Variants in QTRT2 observed in about 807,000 individuals in gnomAD.
The protein encoded by QTRT2 is queuine tRNA-ribosyltransferase accessory subunit 2.
A neutral mutation model predicts 44.8 loss-of-function variants in QTRT2; 32 were observed. That is an observed-to-expected ratio of 0.71 (90% CI 0.54 to 0.96). The LOEUF is 0.96. Among genes scored for constraint, QTRT2 ranks in the 40% least tolerant of loss-of-function variants. The pLI is 0.00. For missense variants in QTRT2, 461 were observed against 503.1 expected (o/e 0.92, Z 0.80); for synonymous variants, 182 against 187.4 (o/e 0.97, Z 0.24).
intron 6 of QTRT2, among the ~76,000 whole-genome samples, chr3:114,072,952 T>C (rs981554391): frequency 2.0e-5 from 3 of 152,290 alleles, no homozygotes; most frequent in South Asian, 4.2e-4. Context: ...TTTGAGATCA[T>C]GTATGTGGAG....
intron 6 of QTRT2, among the ~76,000 whole-genome samples, 192 bp from the exon 7 acceptor site, chr3:114,076,551 G>A (rs1356443084): frequency 6.6e-6 from 1 of 152,210 alleles, no homozygotes; most frequent in African/African-American, 2.4e-5. Context: ...GATTGGTAAA[G>A]TATGTTTTTC....
At position 114,057,063 on chromosome 3, in the gene QTRT2, C is replaced by T. The variant is rs929688489; in HGVS notation, c.-65C>T. 13 of 1,380,378 alleles carry T rather than the reference C, an allele frequency of 9.4e-6. No homozygotes were observed. The highest frequency in any genetic ancestry group is 8.9e-5 in the African/African-American group (6 of 67,424). 85.5% of individuals were successfully genotyped at this position (1,380,378 alleles called of 1,614,324 possible). A position where few individuals can be genotyped will look rare whatever the true frequency, so the allele number is the denominator to read the frequency against. On this transcript the variant is annotated 5_prime_UTR_variant, in exon 2 of 10. Coordinates refer to ENST00000281273, the MANE Select transcript of QTRT2 (RefSeq NM_024638.4). The stretch of plus-strand genomic sequence containing the variant: ...ATAAATCGTGTGAGCGTCGCCGACA[C>T]CTCTGAGATAAAAGGGCCCCTTTCG...
chr3:114,058,717 G>C (rs1002852731), intron 2 of QTRT2, among the ~76,000 whole-genome samples: 2 of 152,116 alleles, frequency 1.3e-5, no homozygotes, highest in Non-Finnish European at 2.9e-5. Context: ...GTTTTTAGTA[G>C]AGACGGTTTC....
intron 2 of QTRT2, chr3:114,057,677 C>T (rs1352796528): frequency 1.3e-5 from 2 of 152,142 alleles, no homozygotes; most frequent in African/African-American, 2.4e-5. Context: ...TATGTCTCTT[C>T]TTCAGGAAAG....
At chr3:114,065,685 C>G (rs2076943864) in intron 3 of QTRT2, among the ~76,000 whole-genome samples, 1 of 152,136 alleles carries the variant, frequency 6.6e-6, no homozygotes, top group Admixed American at 6.5e-5. Flanking sequence ...ACCTACAGTC[C>G]CATACTGCCA....
At chr3:114,072,182 T>C (rs192035258) in intron 6 of QTRT2, among the ~76,000 whole-genome samples, 1 of 152,286 alleles carries the variant, frequency 6.6e-6, no homozygotes, top group East Asian at 1.9e-4. Context: ...AGTCTCACTC[T>C]ATTGCTCAGC....
At chr3:114,063,155 T>G (rs1330688224) in intron 2 of QTRT2, among the ~76,000 whole-genome samples, 1 of 152,224 alleles carries the variant, frequency 6.6e-6, no homozygotes, top group Non-Finnish European at 1.5e-5. Context: ...ATTGGTTGAT[T>G]TCAATATTCA....
chr3:114,069,242 T>C (rs2076993438), intron 5 of QTRT2, among the ~76,000 whole-genome samples: 1 of 152,104 alleles, frequency 6.6e-6, no homozygotes, highest in Non-Finnish European at 1.5e-5. Flanking sequence ...TTTTTTTCCC[T>C]TTTTTTAACT....
chr3:114,077,330 G>T, intron 7 of QTRT2: 1 of 188,078 alleles, frequency 5.3e-6, no homozygotes, highest in African/African-American at 2.3e-5. Flanking sequence ...GGACAGATCT[G>T]GGATGACTAG....
intron 6 of QTRT2, among the ~76,000 whole-genome samples, chr3:114,071,062 C>G (rs1384108178): frequency 6.6e-6 from 1 of 152,110 alleles, no homozygotes; most frequent in Admixed American, 6.6e-5. Flanking sequence ...CCCTGGGCAG[C>G]CTTCCCTTAG....
chr3:114,067,922 C>G (rs2107791378), intron 4 of QTRT2, 65 bp from the exon 5 acceptor site: 1 of 1,429,920 alleles, frequency 7.0e-7, no homozygotes, highest in Admixed American at 1.7e-5. Context: ...AAGCTGCTCC[C>G]TGCTATAATA....
intron 4 of QTRT2, chr3:114,066,540 G>A (rs1271309436): frequency 7.0e-6 from 3 of 430,368 alleles, no homozygotes; most frequent in Non-Finnish European, 1.3e-5. Context: ...ACAGGATTAG[G>A]GATATGTATG....
At chr3:114,071,454 A>G (rs778897663) in intron 6 of QTRT2, among the ~76,000 whole-genome samples, 5 of 152,036 alleles carry the variant, frequency 3.3e-5, no homozygotes, top group African/African-American at 9.7e-5. Flanking sequence ...ATGCACCATC[A>G]CACCCGGCTA....
intron 7 of QTRT2, chr3:114,077,417 G>A (rs1331001912): frequency 6.2e-6 from 1 of 160,276 alleles, no homozygotes; most frequent in African/African-American, 2.4e-5. Context: ...GTCAATTTTT[G>A]AAATTGAGGG....
chr3:114,057,051 G>A lies in QTRT2; in HGVS notation c.-77G>A, dbSNP rs146742857. The A allele has an allele frequency of 8.0e-4, 1,106 of 1,384,746 alleles. 12 individuals carry two copies. In the East Asian group the frequency reaches 0.017, roughly 22 times the overall value. The allele number at this position is 1,384,746 out of a possible 1,614,324, so 85.8% of individuals were successfully genotyped here. A position where few individuals can be genotyped will look rare whatever the true frequency, so the allele number is the denominator to read the frequency against. Reference sequence around the variant, plus strand: ...GTTCAGATTCTCATAAATCGTGTGAGCGTCGCCGACACCTCTGAGATAAAA... The same window carrying A: ...GTTCAGATTCTCATAAATCGTGTGAACGTCGCCGACACCTCTGAGATAAAA... On this transcript the variant is annotated 5_prime_UTR_variant, in exon 2 of 10. Coordinates refer to ENST00000281273, the MANE Select transcript of QTRT2 (RefSeq NM_024638.4).
rs777953219 is a variant in QTRT2, at chr3:114,070,759, C to T, written c.467C>T (p.Ser156Phe). 1 of 1,614,014 alleles carries T rather than the reference C, an allele frequency of 6.2e-7. No individual in the cohort carries two copies. The highest frequency in any genetic ancestry group is 1.7e-5 in the Admixed American group (1 of 59,998). ...GAAGTATCTTGTAAGGAAGCAACTT[C>T]CATAAAAAGGGTCAGAAAGTCTGTT... ...DGEVSCKEAT[S>F]IKRVRKSVDR... Residue 156 changes from serine to phenylalanine, a missense_variant, in exon 6 of 10, where the codon TCC becomes TTC. Transcript: ENST00000281273.
chr3:114,079,793 G>A, intron 7 of QTRT2, 113 bp from the exon 8 acceptor site: 5 of 992,946 alleles, frequency 5.0e-6, no homozygotes, highest in Non-Finnish European at 7.8e-6. Flanking sequence ...CTCTAACCAT[G>A]ATTGGTGTTT....
At chr3:114,073,272 A>T (rs1359043309) in intron 6 of QTRT2, among the ~76,000 whole-genome samples, 4 of 152,126 alleles carry the variant, frequency 2.6e-5, no homozygotes, top group Non-Finnish European at 5.9e-5. Flanking sequence ...TGTGACAAAG[A>T]TGATTATTAG....
rs894200464 is a variant in QTRT2, at chr3:114,056,785, G to A, written c.-209G>A. The A allele has an allele frequency of 6.6e-7, 1 of 1,519,730 alleles. No individual in the cohort carries two copies. Among genetic ancestry groups the A allele is most frequent in the African/African-American group, 1.4e-5 (1 of 72,668 alleles). The allele number at this position is 1,519,730 out of a possible 1,614,324, so 94.1% of individuals were successfully genotyped here. On this transcript the variant is annotated 5_prime_UTR_variant, in exon 1 of 10. Coordinates refer to ENST00000281273, the MANE Select transcript of QTRT2 (RefSeq NM_024638.4). ...CTGGAGGCAGTGATTTTGGGGCAGAGAATTTTGCAACACGTGGTAGTGAAC... is the reference window on the plus strand; with the variant it reads ...CTGGAGGCAGTGATTTTGGGGCAGAAAATTTTGCAACACGTGGTAGTGAAC...
Sources: allele counts gnomAD v4.1 joint callset (sites outside exome capture counted in the v4.1 genomes callset), GRCh38; gene constraint gnomAD v4.1.1; transcripts MANE v1.5; gene names NCBI Gene and HGNC (gene_info 2026-07-23, HGNC 2026-07-21).